The following FAF1 variants were observed in gnomAD, a reference collection of about 807,000 sequenced individuals.
The protein encoded by FAF1 is Fas associated factor 1.
FAF1 carries 25 observed loss-of-function variants against 92.5 expected under a neutral mutation model. That is an observed-to-expected ratio of 0.27 (90% CI 0.20 to 0.38). The LOEUF (loss-of-function observed/expected upper bound fraction) is 0.38, where lower values mean the gene tolerates loss of function less well. Among genes scored for constraint, FAF1 ranks in the 10% least tolerant of loss-of-function variants. The pLI is 1.00. For synonymous variants in FAF1, 234 were observed against 273.2 expected (o/e 0.86, Z 1.42); for missense variants, 636 against 793.3 (o/e 0.80, Z 2.38).
chr1:50,549,512 G>C (rs1383430137), intron 13 of FAF1, among the ~76,000 whole-genome samples: 2 of 152,022 alleles, frequency 1.3e-5, no homozygotes, highest in African/African-American at 4.8e-5. Flanking sequence ...GGGCATGGTG[G>C]CTCACGACTG....
At chr1:50,718,971 C>T (rs572508664) in intron 6 of FAF1, among the ~76,000 whole-genome samples, 81 of 152,158 alleles carry the variant, frequency 5.3e-4, no homozygotes, top group African/African-American at 1.9e-3. Flanking sequence ...TACACTAAAA[C>T]AAAATAAGAA....
intron 9 of FAF1, among the ~76,000 whole-genome samples, chr1:50,590,513 T>C (rs932531058): frequency 2.0e-5 from 3 of 152,242 alleles, no homozygotes; most frequent in Admixed American, 6.5e-5. Flanking sequence ...TTTTGCTGAA[T>C]TCATTTTTTA....
At chr1:50,479,816 C>T (rs1283150270) in intron 17 of FAF1, among the ~76,000 whole-genome samples, 1 of 152,146 alleles carries the variant, frequency 6.6e-6, no homozygotes, top group East Asian at 1.9e-4. Context: ...ACATCCCACA[C>T]CAATGGACCA....
intron 1 of FAF1, among the ~76,000 whole-genome samples, chr1:50,878,355 A>G (rs1417275502): frequency 6.6e-6 from 1 of 152,212 alleles, no homozygotes; most frequent in Non-Finnish European, 1.5e-5. Flanking sequence ...AAATTCAGCT[A>G]TTACTCAAAA....
At chr1:50,558,717 C>T (rs1423066113) in intron 13 of FAF1, among the ~76,000 whole-genome samples, 2 of 152,106 alleles carry the variant, frequency 1.3e-5, no homozygotes, top group African/African-American at 4.8e-5. Flanking sequence ...TTTTCATAGG[C>T]TATTTATTGA....
Position 50,666,797 on chromosome 1 carries a change from C to A in FAF1, c.658-11269G>T, listed in dbSNP as rs1655654784. The stretch of plus-strand genomic sequence containing the variant: ...ACTCGGGAGGCTGAGGCAGGAGAAT[C>A]GCTTGAACCCAGGAGGCAGAGGTTG... On this transcript the variant is annotated intron_variant, in intron 7 of 18. Transcript: ENST00000396153. 2.0e-5 allele frequency among the ~76,000 whole-genome samples: 3 copies of A among 152,022 alleles called. No homozygotes were observed. In the South Asian group the frequency reaches 6.2e-4, roughly 32 times the overall value.
chr1:50,815,444 T>C (rs959528282), intron 2 of FAF1, among the ~76,000 whole-genome samples: 1 of 152,238 alleles, frequency 6.6e-6, no homozygotes, highest in Non-Finnish European at 1.5e-5. Context: ...ATATGTACCA[T>C]ATTTTCATTA....
chr1:50,520,433 C>A (rs1410890847), intron 15 of FAF1, among the ~76,000 whole-genome samples: 1 of 152,166 alleles, frequency 6.6e-6, no homozygotes, highest in Non-Finnish European at 1.5e-5. Context: ...GCAAACTGGA[C>A]CAACATGAAT....
At chr1:50,922,476 A>AG (rs1379729588) in intron 1 of FAF1, among the ~76,000 whole-genome samples, 17 of 147,494 alleles carry the variant, frequency 1.2e-4, no homozygotes, top group South Asian at 4.3e-4. Flanking sequence ...AAAAAAAAAA[A>AG]AAAAAAGAAA....
chr1:50,682,981 C>T (rs1034656464), intron 7 of FAF1, among the ~76,000 whole-genome samples: 1 of 150,674 alleles, frequency 6.6e-6, no homozygotes, highest in Non-Finnish European at 1.5e-5. Context: ...TGCAGTGAGC[C>T]GAGATCACAC....
chr1:50,697,213 A>C (rs1657271482), intron 7 of FAF1, among the ~76,000 whole-genome samples: 1 of 152,190 alleles, frequency 6.6e-6, no homozygotes, highest in African/African-American at 2.4e-5. Context: ...TGACCAATAA[A>C]CTAATTTTTC....
intron 1 of FAF1, among the ~76,000 whole-genome samples, chr1:50,937,416 G>A (rs35541227): frequency 1.0e-3 from 159 of 152,020 alleles, no homozygotes; most frequent in Admixed American, 2.4e-3. Flanking sequence ...GGGGTGGGGC[G>A]GGGCGCAGAT....
intron 1 of FAF1, among the ~76,000 whole-genome samples, chr1:50,953,973 G>A (rs1286296259): frequency 1.3e-5 from 2 of 151,634 alleles, no homozygotes; most frequent in African/African-American, 4.8e-5. Context: ...ATTTGAGACG[G>A]AGTCTCCCTC....
chr1:50,787,029 C>T (rs998041517), intron 4 of FAF1, among the ~76,000 whole-genome samples: 6 of 152,082 alleles, frequency 3.9e-5, no homozygotes, highest in Admixed American at 2.6e-4. Context: ...CCAGAAACAT[C>T]TAGAATTCAG....
chr1:50,869,707 A>T (rs1260177960), intron 1 of FAF1, among the ~76,000 whole-genome samples: 1 of 152,094 alleles, frequency 6.6e-6, no homozygotes, highest in African/African-American at 2.4e-5. Context: ...TTTCCAATTT[A>T]CCTACCTAGT....
intron 6 of FAF1, among the ~76,000 whole-genome samples, chr1:50,707,009 C>T (rs1657700548): frequency 1.3e-5 from 2 of 152,104 alleles, no homozygotes. Flanking sequence ...CAAGACCATC[C>T]TGGCTAACAC....
intron 8 of FAF1, among the ~76,000 whole-genome samples, chr1:50,605,316 G>A (rs1019262436): frequency 6.6e-6 from 1 of 152,088 alleles, no homozygotes; most frequent in African/African-American, 2.4e-5. Flanking sequence ...CACTAGAAGA[G>A]GTTCTGAAGT....
At chr1:50,587,234 T>C (rs1017495018) in intron 9 of FAF1, among the ~76,000 whole-genome samples, 1 of 152,238 alleles carries the variant, frequency 6.6e-6, no homozygotes, top group Non-Finnish European at 1.5e-5. Flanking sequence ...GTGATTTTAA[T>C]ATTCTCCATG....
intron 6 of FAF1, among the ~76,000 whole-genome samples, chr1:50,710,698 G>A (rs1657885775): frequency 6.6e-6 from 1 of 151,784 alleles, no homozygotes; most frequent in Non-Finnish European, 1.5e-5. Flanking sequence ...TGCCTCCCGG[G>A]TTCAAGCGAT....
Sources: allele counts gnomAD v4.1 joint callset (sites outside exome capture counted in the v4.1 genomes callset), GRCh38; gene constraint gnomAD v4.1.1; transcripts MANE v1.5; gene names NCBI Gene and HGNC (gene_info 2026-07-23, HGNC 2026-07-21).